Variants in CPA6 observed in about 807,000 individuals in gnomAD.
CPA6 encodes the protein carboxypeptidase A6.
In CPA6, 58 loss-of-function variants were observed where a neutral mutation model predicts 63.3. The ratio of observed to expected loss-of-function variants is 0.92; its 90% CI spans 0.74 to 1.14. The LOEUF is 1.14. Ranked by LOEUF, CPA6 falls within the 50% of genes most tolerant of loss-of-function variation. The probability of loss-of-function intolerance (pLI) is 0.00; values close to 1 mark genes in which losing one functional copy is unlikely to be tolerated. For synonymous variants in CPA6, 185 were observed against 179.0 expected, an observed-to-expected ratio of 1.03 and a Z score of -0.27; for missense variants, 565 against 526.6, an observed-to-expected ratio of 1.07 and a Z score of -0.71.
chr8:67,510,461 T>G (rs550743628), intron 4 of CPA6, among the ~76,000 whole-genome samples: 1 of 152,144 alleles, frequency 6.6e-6, no homozygotes, highest in Non-Finnish European at 1.5e-5. Context: ...CTATATTATA[T>G]TTGTAAAATT....
chr8:67,430,856 C>CT (rs144435533), intron 9 of CPA6, among the ~76,000 whole-genome samples: 36 of 149,670 alleles, frequency 2.4e-4, no homozygotes, highest in South Asian at 6.3e-4. Context: ...GCAAATTCAT[C>CT]TTTTTTTTTT....
intron 2 of CPA6, among the ~76,000 whole-genome samples, chr8:67,541,509 A>G (rs1261159133): frequency 3.3e-5 from 5 of 152,038 alleles, no homozygotes; most frequent in Non-Finnish European, 7.4e-5. Flanking sequence ...TGCAGCCCCC[A>G]GTCACATACC....
At chr8:67,677,061 T>A (rs1587693559) in intron 1 of CPA6, among the ~76,000 whole-genome samples, 1 of 152,198 alleles carries the variant, frequency 6.6e-6, no homozygotes, top group Non-Finnish European at 1.5e-5. Flanking sequence ...GCCAGGGACA[T>A]CATTCACATT....
intron 2 of CPA6, among the ~76,000 whole-genome samples, chr8:67,591,604 C>T (rs1278268304): frequency 6.6e-6 from 1 of 152,050 alleles, no homozygotes; most frequent in Non-Finnish European, 1.5e-5. Flanking sequence ...TCCTTCATGT[C>T]CCTTGTAAGT....
At chr8:67,465,166 G>T (rs1343967056) in intron 8 of CPA6, among the ~76,000 whole-genome samples, 1 of 152,108 alleles carries the variant, frequency 6.6e-6, no homozygotes, top group Non-Finnish European at 1.5e-5. Context: ...CCATTTGTTT[G>T]TGTCATGTAA....
chr8:67,715,372 T>C (rs937720721), intron 1 of CPA6, among the ~76,000 whole-genome samples: 2 of 152,240 alleles, frequency 1.3e-5, no homozygotes, highest in African/African-American at 4.8e-5. Context: ...ACGAAGTCAC[T>C]TTACTGCTGC....
intron 1 of CPA6, among the ~76,000 whole-genome samples, chr8:67,730,241 TTTGG>T (rs1216274323): frequency 2.0e-5 from 3 of 152,100 alleles, no homozygotes; most frequent in African/African-American, 7.2e-5. Flanking sequence ...CTCCCTTGGG[TTTGG>T]TTATTTGCTA....
rs1337996547 is a variant in CPA6 at position 67,654,920 on chromosome 8, G to GC, written c.117-30670dup. Among the ~76,000 whole-genome samples, 8 of 152,068 alleles carry GC rather than the reference G, an allele frequency of 5.3e-5. No homozygotes were observed. The South Asian group carries it at 1.5e-3, about 28-fold the overall frequency. ...GATTTAGTATAGCTTTCTATTGCTC[G>GC]CTCTGAAACTTGAGGCAAATGATTT... On this transcript the variant is annotated intron_variant, in intron 1 of 10. Coordinates refer to ENST00000297770, the MANE Select transcript of CPA6 (RefSeq NM_020361.5).
intron 6 of CPA6, among the ~76,000 whole-genome samples, chr8:67,485,258 A>G (rs1811452401): frequency 6.6e-6 from 1 of 152,124 alleles, no homozygotes; most frequent in East Asian, 1.9e-4. Context: ...TTGAGACTCT[A>G]TTCTTTTCTC....
At chr8:67,688,367 C>A (rs939936127) in intron 1 of CPA6, among the ~76,000 whole-genome samples, 5 of 152,054 alleles carry the variant, frequency 3.3e-5, no homozygotes, top group Admixed American at 6.6e-5. Context: ...TTGAGAAGGT[C>A]AAGGAAAGGG....
At chr8:67,708,219 T>C (rs549008279) in intron 1 of CPA6, among the ~76,000 whole-genome samples, 1 of 152,202 alleles carries the variant, frequency 6.6e-6, no homozygotes, top group African/African-American at 2.4e-5. Context: ...AAGAAGCCTA[T>C]AAGGCAAATA....
chr8:67,738,595 T>C (rs1469654294), intron 1 of CPA6, among the ~76,000 whole-genome samples: 3 of 152,138 alleles, frequency 2.0e-5, no homozygotes, highest in Non-Finnish European at 4.4e-5. Flanking sequence ...CTAACACTGA[T>C]ACTAAAATGT....
chr8:67,669,114 T>C (rs1382888215), intron 1 of CPA6, among the ~76,000 whole-genome samples: 3 of 152,218 alleles, frequency 2.0e-5, no homozygotes, highest in African/African-American at 7.2e-5. Context: ...TATCAATTAG[T>C]GTTTCTTTCA....
intron 2 of CPA6, among the ~76,000 whole-genome samples, chr8:67,530,709 G>C (rs868678412): frequency 6.6e-6 from 1 of 152,162 alleles, no homozygotes; most frequent in African/African-American, 2.4e-5. Context: ...CAAGGAACAG[G>C]ATCAAGATTT....
At chr8:67,477,076 G>A (rs1811256726) in intron 8 of CPA6, among the ~76,000 whole-genome samples, 1 of 151,988 alleles carries the variant, frequency 6.6e-6, no homozygotes, top group Admixed American at 6.6e-5. Flanking sequence ...GGATCATGAG[G>A]TCAGGAGATA....
chr8:67,455,215 G>T (rs534393315), intron 8 of CPA6, among the ~76,000 whole-genome samples: 1 of 152,252 alleles, frequency 6.6e-6, no homozygotes, highest in South Asian at 2.1e-4. Context: ...AAATCATGAG[G>T]CTGTGCTCCA....
At chr8:67,719,975 G>A (rs1037869297) in intron 1 of CPA6, among the ~76,000 whole-genome samples, 1 of 152,110 alleles carries the variant, frequency 6.6e-6, no homozygotes, top group Admixed American at 6.5e-5. Flanking sequence ...TTTCATGCGC[G>A]TCCGTGTGAA....
At chr8:67,547,135 C>T (rs920187184) in intron 2 of CPA6, among the ~76,000 whole-genome samples, 1 of 152,148 alleles carries the variant, frequency 6.6e-6, no homozygotes, top group African/African-American at 2.4e-5. Flanking sequence ...CAAGCTCTGC[C>T]TCCTGGGTTC....
intron 1 of CPA6, among the ~76,000 whole-genome samples, chr8:67,737,679 G>A (rs767632021): frequency 6.6e-6 from 1 of 152,172 alleles, no homozygotes; most frequent in Non-Finnish European, 1.5e-5. Context: ...GACTAGCAGC[G>A]GGCCAGACAC....
Sources: gnomAD v4.1 joint callset for allele counts (sites outside exome capture counted in the v4.1 genomes callset) on GRCh38, gnomAD v4.1.1 for gene constraint, MANE v1.5 for transcripts, NCBI Gene and HGNC (gene_info 2026-07-23, HGNC 2026-07-21) for gene names.